The following KLF12 variants were observed in gnomAD, a reference collection of about 807,000 sequenced individuals.
KLF12 encodes the protein Krueppel-like factor 12.
KLF12 carries 9 observed loss-of-function variants against 37.8 expected under a neutral mutation model. The ratio of observed to expected loss-of-function variants is 0.24; its 90% CI spans 0.14 to 0.42. KLF12 has a LOEUF of 0.42. KLF12 is among the 10% of genes least tolerant of loss of function. KLF12 has a pLI of 1.00. For missense variants in KLF12, 411 were observed against 516.0 expected (o/e 0.80, Z 1.97); for synonymous variants, 208 against 202.1 (o/e 1.03, Z -0.25).
At chr13:73,972,104 T>C (rs1294842850) in intron 2 of KLF12, among the ~76,000 whole-genome samples, 1 of 152,134 alleles carries the variant, frequency 6.6e-6, no homozygotes, top group Non-Finnish European at 1.5e-5. Context: ...AACCTTAAAA[T>C]TCTGAAATGC....
chr13:73,993,665 A>C (rs1892030643), intron 2 of KLF12, among the ~76,000 whole-genome samples: 1 of 152,238 alleles, frequency 6.6e-6, no homozygotes, highest in Non-Finnish European at 1.5e-5. Flanking sequence ...AGTCTTAAGG[A>C]ATACATAAAA....
chr13:74,240,447 T>C, the KLF12 span, among the ~76,000 whole-genome samples: 1 of 52,334 alleles, frequency 1.9e-5, no homozygotes, highest in Non-Finnish European at 3.5e-5. Context: ...TCGAGGAGTA[T>C]CTTTGTGGCG....
intron 4 of KLF12, among the ~76,000 whole-genome samples, chr13:73,823,219 A>T (rs143934288): frequency 3.2e-4 from 48 of 152,280 alleles, no homozygotes; most frequent in African/African-American, 1.0e-3. Context: ...TAATAATTTT[A>T]AGTATCACCA....
At chr13:73,761,255 T>C (rs890460011) in intron 6 of KLF12, among the ~76,000 whole-genome samples, 1 of 152,116 alleles carries the variant, frequency 6.6e-6, no homozygotes, top group African/African-American at 2.4e-5. Context: ...TGGCAAATAT[T>C]CTAAAAATGG....
intron 1 of KLF12, among the ~76,000 whole-genome samples, chr13:74,122,952 C>T (rs1417755432): frequency 8.1e-5 from 5 of 61,686 alleles, no homozygotes; most frequent in Non-Finnish European, 1.7e-4. Flanking sequence ...AAAGACAAAA[C>T]AGGTCACTAA....
chr13:74,036,196 C>CCT (rs1009733874), intron 1 of KLF12, among the ~76,000 whole-genome samples: 63 of 152,300 alleles, frequency 4.1e-4, no homozygotes, highest in African/African-American at 1.5e-3. Flanking sequence ...AACAATGTAT[C>CCT]CTCTCCATAC....
intron 5 of KLF12, among the ~76,000 whole-genome samples, chr13:73,778,951 T>C (rs1330215700): frequency 6.6e-6 from 1 of 152,202 alleles, no homozygotes; most frequent in Non-Finnish European, 1.5e-5. Context: ...AGTTTCATAT[T>C]TACCAAACAG....
intron 5 of KLF12, among the ~76,000 whole-genome samples, chr13:73,775,256 C>T (rs1880542060): frequency 6.6e-6 from 1 of 152,046 alleles, no homozygotes; most frequent in African/African-American, 2.4e-5. Context: ...ATTAATTCCA[C>T]CTTTATTTTC....
the KLF12 span, among the ~76,000 whole-genome samples, chr13:74,188,363 G>T: frequency 6.6e-6 from 1 of 152,004 alleles, no homozygotes; most frequent in Non-Finnish European, 1.5e-5. Flanking sequence ...ATTTAAATTA[G>T]AATTATACCC....
intron 3 of KLF12, among the ~76,000 whole-genome samples, chr13:73,940,262 C>T (rs1397201512): frequency 6.6e-6 from 1 of 152,170 alleles, no homozygotes; most frequent in Admixed American, 6.5e-5. Flanking sequence ...TCAAGCACTC[C>T]TTGCTGTGCC....
the KLF12 span, among the ~76,000 whole-genome samples, chr13:74,174,920 C>T: frequency 1.3e-5 from 2 of 152,062 alleles, no homozygotes; most frequent in Non-Finnish European, 2.9e-5. Flanking sequence ...GATGAAAAAC[C>T]ACGATCAGAG....
the KLF12 span, among the ~76,000 whole-genome samples, chr13:74,300,228 T>C: frequency 6.6e-6 from 1 of 151,944 alleles, no homozygotes; most frequent in Non-Finnish European, 1.5e-5. Context: ...TCCTTGATAA[T>C]AAAAAAAAGT....
At chr13:74,253,021 ATCTGTCTG>A in the KLF12 span, among the ~76,000 whole-genome samples, 48 of 87,008 alleles carry the variant, frequency 5.5e-4, no homozygotes, top group African/African-American at 2.5e-3. Flanking sequence ...CTATCTATCT[ATCTGTCTG>A]TCTATCTACC....
chr13:74,240,226 G>A, the KLF12 span, among the ~76,000 whole-genome samples: 37,903 of 148,450 alleles, frequency 0.26, 7,275 homozygotes, highest in African/African-American at 0.55. Context: ...TGGATATGAA[G>A]TTCTGGGTTG....
intron 6 of KLF12, among the ~76,000 whole-genome samples, chr13:73,716,537 TCC>T (rs1477994238): frequency 6.6e-6 from 1 of 152,164 alleles, no homozygotes; most frequent in Non-Finnish European, 1.5e-5. Flanking sequence ...AAAGATCAAT[TCC>T]CCCCTTGTTT....
intron 5 of KLF12, among the ~76,000 whole-genome samples, chr13:73,769,123 G>A (rs956814002): frequency 5.3e-5 from 8 of 152,134 alleles, no homozygotes; most frequent in African/African-American, 1.7e-4. Flanking sequence ...CTCTTTAATT[G>A]TTTATGAATG....
At chr13:73,922,996 C>T (rs1889191660) in intron 3 of KLF12, among the ~76,000 whole-genome samples, 2 of 152,144 alleles carry the variant, frequency 1.3e-5, no homozygotes. Flanking sequence ...AGGTTCACTC[C>T]AATAGTGACT....
At chr13:74,266,950 C>T in the KLF12 span, among the ~76,000 whole-genome samples, 2 of 152,088 alleles carry the variant, frequency 1.3e-5, no homozygotes, top group African/African-American at 4.8e-5. Context: ...TATCTTTTTC[C>T]ATCTGAATGC....
chr13:74,304,754 G>C, the KLF12 span, among the ~76,000 whole-genome samples: 4 of 151,994 alleles, frequency 2.6e-5, no homozygotes, highest in Admixed American at 2.6e-4. Context: ...AGTGTAATTG[G>C]TAAACTCAGC....
Sources: gnomAD v4.1 joint callset for allele counts (sites outside exome capture counted in the v4.1 genomes callset) on GRCh38, gnomAD v4.1.1 for gene constraint, MANE v1.5 for transcripts, NCBI Gene and HGNC (gene_info 2026-07-23, HGNC 2026-07-21) for gene names.